CLCN4: variants seen among roughly 807,000 people sequenced by gnomAD.
The protein encoded by CLCN4 is H(+)/Cl(-) exchange transporter 4.
In CLCN4, 1 loss-of-function variant was observed where a neutral mutation model predicts 41.7. The ratio of observed to expected loss-of-function variants is 0.02; its 90% CI spans 0.01 to 0.11. The LOEUF is 0.11. Ranked by LOEUF, CLCN4 falls within the 10% of genes least tolerant of loss-of-function variation. The pLI, the probability that CLCN4 is intolerant of heterozygous loss-of-function variation, is 1.00. For synonymous variants in CLCN4, 277 were observed against 285.8 expected, an observed-to-expected ratio of 0.97 and a Z score of 0.31; for missense variants, 287 against 661.0, an observed-to-expected ratio of 0.43 and a Z score of 6.20.
chrX:10,217,186 T>C (rs1924747083), intron 11 of CLCN4, among the ~76,000 whole-genome samples: 4 of 108,544 alleles, frequency 3.7e-5, no homozygotes, highest in South Asian at 4.1e-4. Context: ...CTGCAGCCTC[T>C]ACCCACTGGG....
chrX:10,222,974 A>C (rs1030444036), intron 12 of CLCN4, among the ~76,000 whole-genome samples: 2 of 111,834 alleles, frequency 1.8e-5, no homozygotes, highest in Non-Finnish European at 3.8e-5. Flanking sequence ...AAGGAGCTCA[A>C]GTGGTTTTTC....
intron 4 of CLCN4, among the ~76,000 whole-genome samples, chrX:10,189,714 CTCAGTGGCTGTTG>C (rs1283209235): frequency 8.9e-6 from 1 of 112,394 alleles, no homozygotes; most frequent in Non-Finnish European, 1.9e-5. Context: ...CGGCTGTCCC[CTCAGTGGCTGTTG>C]TCTTCGGACT....
At chrX:10,166,292 C>A (rs1020839204) in intron 2 of CLCN4, among the ~76,000 whole-genome samples, 1 of 112,438 alleles carries the variant, frequency 8.9e-6, no homozygotes, top group African/African-American at 3.2e-5. Flanking sequence ...GTCCCTTCAT[C>A]TCAGACTTCT....
Position 10,195,121 on chromosome X carries a change from G to C in CLCN4, c.432+23G>C, listed in dbSNP as rs1334464789. ...GAGGTGGGTATTTGGGCAGGGTCCT[G>C]GCTGGGGACCCCTGCCGTTCCATGC... On this transcript the variant is annotated intron_variant, in intron 5 of 12. Transcript: ENST00000380833. 3.4e-6 allele frequency: 4 copies of C among 1,193,397 alleles called. No homozygotes were observed. The African/African-American group carries it at 7.1e-5, about 21-fold the overall frequency.
chrX:10,157,292 A>G (rs11798092), intron 1 of CLCN4, among the ~76,000 whole-genome samples, 192 bp downstream of exon 1: 2 of 112,266 alleles, frequency 1.8e-5, no homozygotes, highest in Admixed American at 9.4e-5. Flanking sequence ...GAATCACGGT[A>G]TAAGGGCCAG....
chrX:10,176,023 T>C (rs1228054703), intron 2 of CLCN4, among the ~76,000 whole-genome samples: 1 of 107,771 alleles, frequency 9.3e-6, no homozygotes, highest in Non-Finnish European at 1.9e-5. Context: ...TCCCAAAGCT[T>C]TAAGGTTGAA....
chrX:10,227,300 AC>A (rs1211878765), intron 12 of CLCN4, among the ~76,000 whole-genome samples: 1 of 111,528 alleles, frequency 9.0e-6, no homozygotes, highest in East Asian at 2.8e-4. Context: ...AAAGACAAAA[AC>A]CACATGGTTA....
At chrX:10,172,572 C>T (rs904375682) in intron 2 of CLCN4, among the ~76,000 whole-genome samples, 3 of 111,160 alleles carry the variant, frequency 2.7e-5, no homozygotes, top group Admixed American at 9.6e-5. Context: ...GTCAAGGCTT[C>T]GCTCTAACCT....
intron 6 of CLCN4, among the ~76,000 whole-genome samples, chrX:10,198,638 T>TTA (rs2147174145): frequency 8.9e-6 from 1 of 112,082 alleles, no homozygotes; most frequent in Admixed American, 9.5e-5. Context: ...TTTCGAGTTC[T>TTA]TATAAATAGT....
intron 11 of CLCN4, among the ~76,000 whole-genome samples, chrX:10,220,376 C>T (rs1056510221): frequency 4.5e-5 from 5 of 111,647 alleles, no homozygotes; most frequent in African/African-American, 1.3e-4. Context: ...CCGGAGTCTG[C>T]GGTGAAGCAG....
chrX:10,209,557 C>T (rs1207229732), intron 9 of CLCN4, among the ~76,000 whole-genome samples: 1 of 109,635 alleles, frequency 9.1e-6, no homozygotes, highest in East Asian at 2.9e-4. Flanking sequence ...AGATGAGGCT[C>T]TTGCTGTGTT....
chrX:10,167,270 A>G (rs1163915362), intron 2 of CLCN4, among the ~76,000 whole-genome samples: 3 of 111,504 alleles, frequency 2.7e-5, no homozygotes, highest in Admixed American at 9.4e-5. Flanking sequence ...TGGTGTTTGG[A>G]GGGTTAGCTA....
Position 10,203,416 on chromosome X carries a change from T to C in CLCN4, c.556-2942T>C, listed in dbSNP as rs746451092. On this transcript the variant is annotated intron_variant, in intron 6 of 12. Transcript: ENST00000380833. ...CAAGGCTAGTTCAGGAAACACCATC[T>C]GACTGTATAGCTAGGAGACCTTGCA... Among the ~76,000 whole-genome samples the C allele has an allele frequency of 2.7e-5, 3 of 111,320 alleles. No individual in the cohort carries two copies. The South Asian group carries it at 1.2e-3, about 43-fold the overall frequency.
At chrX:10,207,466 G>A (rs1438811948) in intron 8 of CLCN4, among the ~76,000 whole-genome samples, 1 of 112,368 alleles carries the variant, frequency 8.9e-6, no homozygotes, top group African/African-American at 3.2e-5. Context: ...TAGCATGAAA[G>A]CAGCTGTGAA....
intron 6 of CLCN4, among the ~76,000 whole-genome samples, chrX:10,202,530 T>A (rs1296316223): frequency 9.5e-6 from 1 of 105,435 alleles, no homozygotes; most frequent in African/African-American, 3.5e-5. Flanking sequence ...TCCCAGCTAC[T>A]CTGGGGACTG....
intron 2 of CLCN4, among the ~76,000 whole-genome samples, 173 bp downstream of exon 2, chrX:10,158,724 AC>A (rs1271780775): frequency 1.8e-5 from 2 of 112,822 alleles, no homozygotes; most frequent in African/African-American, 6.4e-5. Context: ...AGCTGCATGC[AC>A]CCGGCCGGGG....
intron 6 of CLCN4, among the ~76,000 whole-genome samples, chrX:10,201,501 A>G (rs1924237205): frequency 1.8e-5 from 2 of 111,965 alleles, no homozygotes; most frequent in African/African-American, 6.5e-5. Flanking sequence ...AAGTAAATAT[A>G]AATAAATAAA....
intron 11 of CLCN4, among the ~76,000 whole-genome samples, chrX:10,215,664 A>G (rs1602161792): frequency 8.9e-6 from 1 of 112,052 alleles, no homozygotes; most frequent in East Asian, 2.8e-4. Context: ...TAAGGTAATA[A>G]ATGTCACAGA....
intron 3 of CLCN4, among the ~76,000 whole-genome samples, chrX:10,186,158 T>C (rs764859154): frequency 3.6e-5 from 4 of 110,979 alleles, no homozygotes; most frequent in Non-Finnish European, 7.6e-5. Flanking sequence ...GAGGAGGCCA[T>C]TGAGTTCTGT....
Sources: gnomAD v4.1 joint callset for allele counts (sites outside exome capture counted in the v4.1 genomes callset) on GRCh38, gnomAD v4.1.1 for gene constraint, MANE v1.5 for transcripts, NCBI Gene and HGNC (gene_info 2026-07-23, HGNC 2026-07-21) for gene names.